Variants in OR10J1 observed in about 807,000 individuals in gnomAD.
OR10J1 encodes olfactory receptor 10J1.
For missense variants in OR10J1, 474 were observed against 376.6 expected (o/e 1.26, Z -2.14); for synonymous variants, 202 against 143.8 (o/e 1.40, Z -2.89).
chr1:159,425,121 A>G, the OR10J1 span, among the ~76,000 whole-genome samples: 1 of 152,178 alleles, frequency 6.6e-6, no homozygotes, highest in African/African-American at 2.4e-5. Flanking sequence ...AATACATCCA[A>G]CAAAATACAA....
rs1655885075 is a variant in OR10J1 at position 159,440,121 on chromosome 1, T to C, written c.330T>C (p.Thr110=). Residue 110 remains threonine, a synonymous_variant, in exon 1 of 1, where the codon ACT becomes ACC. Coordinates refer to ENST00000423932, the MANE Select transcript of OR10J1 (RefSeq NM_012351.3). The part of the protein sequence containing the change: ...QMFFFVTFGI[T]NCFLLTAMGY... ...TCTTTTTTGTAACCTTTGGCATCAC[T>C]AACTGCTTCCTGCTCACAGCAATGG... 4.3e-6 allele frequency: 7 copies of C among 1,614,170 alleles called. No homozygotes were observed. The highest frequency in any genetic ancestry group is 5.9e-6 in the Non-Finnish European group (7 of 1,180,018).
At chr1:159,434,920 T>C (rs1180824405), upstream of OR10J1, among the ~76,000 whole-genome samples, 1 of 152,176 alleles carries the variant, frequency 6.6e-6, no homozygotes, top group Admixed American at 6.5e-5. Flanking sequence ...GCTTTAACAA[T>C]AGGATTCTCA....
chr1:159,399,040 G>C, the OR10J1 span, among the ~76,000 whole-genome samples: 9 of 147,448 alleles, frequency 6.1e-5, no homozygotes, highest in African/African-American at 2.4e-4. Flanking sequence ...AAAGCAGTCA[G>C]AGAAAAAAAA....
the OR10J1 span, among the ~76,000 whole-genome samples, chr1:159,417,346 T>C: frequency 6.6e-6 from 1 of 152,190 alleles, no homozygotes; most frequent in East Asian, 1.9e-4. Context: ...ATGGTTTGAC[T>C]CTGACCACAC....
chr1:159,420,392 T>G, the OR10J1 span, among the ~76,000 whole-genome samples: 1 of 152,180 alleles, frequency 6.6e-6, no homozygotes, highest in Non-Finnish European at 1.5e-5. Context: ...TTGTATATTC[T>G]TTGTTTCTTT....
At chr1:159,406,946 C>A in the OR10J1 span, among the ~76,000 whole-genome samples, 1 of 152,138 alleles carries the variant, frequency 6.6e-6, no homozygotes, top group Admixed American at 6.6e-5. Flanking sequence ...CAAGGCCAGG[C>A]TGTGGGCGAG....
the OR10J1 span, among the ~76,000 whole-genome samples, chr1:159,430,373 G>A: frequency 6.6e-6 from 1 of 152,142 alleles, no homozygotes; most frequent in Non-Finnish European, 1.5e-5. Flanking sequence ...TATTAGCACA[G>A]TCTTCATCTT....
the OR10J1 span, among the ~76,000 whole-genome samples, chr1:159,411,947 C>A: frequency 2.0e-5 from 3 of 152,104 alleles, no homozygotes; most frequent in African/African-American, 7.2e-5. Context: ...CCCATTCTCT[C>A]AGCCCAAAAT....
chr1:159,420,115 T>C, the OR10J1 span, among the ~76,000 whole-genome samples: 1 of 152,186 alleles, frequency 6.6e-6, no homozygotes, highest in Non-Finnish European at 1.5e-5. Context: ...TTAAAGTCTG[T>C]TTTGTCTGAT....
At chr1:159,431,681 T>C in the OR10J1 span, among the ~76,000 whole-genome samples, 1 of 152,218 alleles carries the variant, frequency 6.6e-6, no homozygotes, top group Non-Finnish European at 1.5e-5. Context: ...GAAGAATTTA[T>C]ACTTCAAGTA....
the OR10J1 span, among the ~76,000 whole-genome samples, chr1:159,409,971 T>A: frequency 6.6e-6 from 1 of 152,078 alleles, no homozygotes; most frequent in Non-Finnish European, 1.5e-5. Flanking sequence ...GGTTTTTGTC[T>A]TTGGTTCTGT....
chr1:159,422,058 T>C, the OR10J1 span, among the ~76,000 whole-genome samples: 1 of 152,110 alleles, frequency 6.6e-6, no homozygotes, highest in Non-Finnish European at 1.5e-5. Flanking sequence ...GGCACATTCA[T>C]GTGATGCTAT....
the OR10J1 span, among the ~76,000 whole-genome samples, chr1:159,399,557 C>G: frequency 4.6e-5 from 5 of 108,394 alleles, no homozygotes; most frequent in African/African-American, 1.9e-4. Context: ...GGCGATAGAG[C>G]GAGATTCTGT....
chr1:159,440,603 A>C lies in OR10J1; in HGVS notation c.812A>C (p.Gln271Pro). 1 of 1,613,528 alleles carries C rather than the reference A, an allele frequency of 6.2e-7. No individual in the cohort carries two copies. The highest frequency in any genetic ancestry group is 1.1e-5 in the South Asian group (1 of 91,030). ...PKSENTREHD[Q>P]LISVTYTVIT... The stretch of plus-strand genomic sequence containing the variant: ...TCAGAGAACACCAGAGAACATGACC[A>C]GCTGATCTCGGTGACCTACACTGTC... Residue 271 changes from glutamine (Q) to proline (P), a missense_variant, in exon 1 of 1, where the codon CAG (glutamine) becomes CCG (proline). Coordinates refer to ENST00000423932, the MANE Select transcript of OR10J1 (RefSeq NM_012351.3).
chr1:159,440,108 C>A lies in OR10J1; in HGVS notation c.317C>A (p.Thr106Asn), dbSNP rs940865865. 8 of 1,613,936 alleles carry A rather than the reference C, an allele frequency of 5.0e-6. No individual in the cohort carries two copies. The highest frequency in any genetic ancestry group is 1.7e-5 in the Admixed American group (1 of 59,982). The part of the protein sequence containing the change: ...GCATQMFFFV[T>N]FGITNCFLLT... ...GCCACACAGATGTTCTTTTTTGTAACCTTTGGCATCACTAACTGCTTCCTG... is the reference window on the plus strand; with the variant it reads ...GCCACACAGATGTTCTTTTTTGTAAACTTTGGCATCACTAACTGCTTCCTG... The change falls in exon 1 of 1, where the codon ACC (threonine) becomes AAC (asparagine). Residue 106 changes from threonine (T) to asparagine (N), a missense_variant. Transcript: ENST00000423932.
At chr1:159,415,421 T>C in the OR10J1 span, among the ~76,000 whole-genome samples, 1 of 152,128 alleles carries the variant, frequency 6.6e-6, no homozygotes, top group African/African-American at 2.4e-5. Context: ...TCTGTTTCAC[T>C]GGCCTGTGTG....
chr1:159,438,611 C>T (rs950147416), upstream of OR10J1, among the ~76,000 whole-genome samples: 3 of 152,158 alleles, frequency 2.0e-5, no homozygotes, highest in Non-Finnish European at 2.9e-5. Flanking sequence ...TTTTAGCATT[C>T]TTAGTGTAAA....
upstream of OR10J1, among the ~76,000 whole-genome samples, chr1:159,434,223 C>A (rs965506386): frequency 2.0e-5 from 3 of 152,160 alleles, no homozygotes; most frequent in South Asian, 6.2e-4. Context: ...GCCCTGAAGT[C>A]TGTAGTTGCA....
chr1:159,426,461 T>C, the OR10J1 span, among the ~76,000 whole-genome samples: 1 of 151,844 alleles, frequency 6.6e-6, no homozygotes, highest in African/African-American at 2.4e-5. Flanking sequence ...GTTGATAAAA[T>C]AATTCACCAG....
Sources: gnomAD v4.1 joint callset for allele counts (sites outside exome capture counted in the v4.1 genomes callset) on GRCh38, gnomAD v4.1.1 for gene constraint, MANE v1.5 for transcripts, NCBI Gene and HGNC (gene_info 2026-07-23, HGNC 2026-07-21) for gene names.